The following LMO7 variants were observed in gnomAD, a reference collection of about 807,000 sequenced individuals.
LMO7 encodes LIM domain only protein 7.
A neutral mutation model predicts 206.5 loss-of-function variants in LMO7; 120 were observed. The ratio of observed to expected loss-of-function variants is 0.58; its 90% CI spans 0.50 to 0.68. The LOEUF is 0.68. Ranked by LOEUF, LMO7 falls within the 30% of genes least tolerant of loss-of-function variation. The pLI is 0.00. For missense variants in LMO7, 1,959 were observed against 1,957.9 expected, an observed-to-expected ratio of 1.00 and a Z score of -0.01; for synonymous variants, 706 against 681.5, an observed-to-expected ratio of 1.04 and a Z score of -0.56.
At position 75,856,803 on chromosome 13, in the gene LMO7, G is replaced by A. The variant is rs112201849; in HGVS notation, c.4873+195G>A. 1,213 of 499,894 alleles carry A rather than the reference G, an allele frequency of 2.4e-3. 13 individuals carry two copies. Among genetic ancestry groups the A allele is most frequent in the African/African-American group, 0.021 (1,088 of 51,494 alleles). The allele number at this position is 499,894 out of a possible 1,614,324, so 31.0% of individuals were successfully genotyped here. A position where few individuals can be genotyped will look rare whatever the true frequency, so the allele number is the denominator to read the frequency against. ...ACTGCTCAGGGTTCCAGCTACACAG[G>A]AGTGGGTTGTGGGGCCAAGGAATGG... On this transcript the variant is annotated intron_variant, in intron 30 of 30. Coordinates refer to ENST00000377534, the MANE Select transcript of LMO7 (RefSeq NM_001306080.2).
At chr13:75,663,924 AATCAC>A (rs1402184001) in intron 1 of LMO7, among the ~76,000 whole-genome samples, 2 of 152,110 alleles carry the variant, frequency 1.3e-5, no homozygotes, top group Non-Finnish European at 2.9e-5. Flanking sequence ...AATGTGTAAT[AATCAC>A]ATCAGGGTAA....
At position 75,841,742 on chromosome 13, in the gene LMO7, C is replaced by T. The variant is rs1410180470; in HGVS notation, c.3790C>T (p.Arg1264Ter). Residue 1264 changes from arginine (R) to a stop codon, truncating the protein, a stop_gained, in exon 24 of 31, where the codon CGA becomes TGA. Coordinates refer to ENST00000377534, the MANE Select transcript of LMO7 (RefSeq NM_001306080.2). LOFTEE classifies it high-confidence loss of function. ...GSKSSDREGT[R>*]AGEEERRQPQ... ...CAAGTCTTCAGACAGAGAAGGAACC[C>T]GAGCAGGAGAAGAGGAGAGGAGACA... The T allele has an allele frequency of 1.9e-6, 3 of 1,613,886 alleles. No homozygotes were observed. Among genetic ancestry groups the T allele is most frequent in the African/African-American group, 1.3e-5 (1 of 74,944 alleles).
chr13:75,801,962 C>G (rs2054799859), intron 7 of LMO7, among the ~76,000 whole-genome samples: 1 of 44,932 alleles, frequency 2.2e-5, no homozygotes, highest in Non-Finnish European at 4.6e-5. Flanking sequence ...TCTCTCTCCT[C>G]TCTCTCTCTT....
At chr13:75,799,301 G>A (rs1393653806) in intron 6 of LMO7, among the ~76,000 whole-genome samples, 2 of 152,172 alleles carry the variant, frequency 1.3e-5, no homozygotes, top group African/African-American at 4.8e-5. Flanking sequence ...ATAATTAAAA[G>A]TTGAAAGAAG....
At chr13:75,813,492 C>T (rs1346337647) in intron 11 of LMO7, among the ~76,000 whole-genome samples, 1 of 152,140 alleles carries the variant, frequency 6.6e-6, no homozygotes, top group Admixed American at 6.5e-5. Flanking sequence ...GGCCTGCAGC[C>T]CTCCCTTCCT....
At chr13:75,759,350 A>G (rs1403202970) in intron 3 of LMO7, among the ~76,000 whole-genome samples, 4 of 152,156 alleles carry the variant, frequency 2.6e-5, no homozygotes, top group African/African-American at 9.7e-5. Flanking sequence ...TGCTTCTCAG[A>G]GGGCCAATTT....
At chr13:75,626,295 G>A (rs897518976) in intron 2 of LMO7, among the ~76,000 whole-genome samples, 3 of 151,920 alleles carry the variant, frequency 2.0e-5, no homozygotes, top group Non-Finnish European at 2.9e-5. Context: ...CATGGCTGGG[G>A]AGGTCTCAGA....
upstream of LMO7, among the ~76,000 whole-genome samples, chr13:75,633,485 G>C (rs1450825458): frequency 6.6e-6 from 1 of 152,212 alleles, no homozygotes; most frequent in Non-Finnish European, 1.5e-5. Flanking sequence ...TTCCAATCTA[G>C]CTTTTAGAGC....
intron 1 of LMO7, among the ~76,000 whole-genome samples, chr13:75,647,066 G>GGT (rs10617403): frequency 1.5e-3 from 223 of 151,010 alleles, no homozygotes; most frequent in Middle Eastern, 0.01. Context: ...TATATACATA[G>GGT]GTGTGTGTGT....
chr13:75,665,289 T>C (rs1318854977), intron 1 of LMO7, among the ~76,000 whole-genome samples: 2 of 152,130 alleles, frequency 1.3e-5, no homozygotes, highest in African/African-American at 4.8e-5. Flanking sequence ...GCTCTAATAG[T>C]TTATGCTTTC....
intron 3 of LMO7, among the ~76,000 whole-genome samples, chr13:75,732,639 T>A (rs1290065043): frequency 1.3e-5 from 2 of 152,258 alleles, no homozygotes; most frequent in Non-Finnish European, 2.9e-5. Flanking sequence ...AAAGTCATTC[T>A]CTGTCCAGCT....
At chr13:75,843,541 TC>T (rs2059721078) in intron 25 of LMO7, among the ~76,000 whole-genome samples, 1 of 152,172 alleles carries the variant, frequency 6.6e-6, no homozygotes, top group Admixed American at 6.5e-5. Context: ...TTCACATTAC[TC>T]CCCAAAGGGT....
intron 15 of LMO7, 120 bp downstream of exon 15, chr13:75,823,993 A>G: frequency 2.6e-6 from 2 of 772,046 alleles, no homozygotes; most frequent in Non-Finnish European, 4.2e-6. Context: ...GTGCAAAATG[A>G]TATTCTGGTT....
intron 3 of LMO7, among the ~76,000 whole-genome samples, chr13:75,734,899 A>G (rs1264355249): frequency 1.3e-5 from 2 of 152,112 alleles, no homozygotes; most frequent in African/African-American, 4.8e-5. Flanking sequence ...GGAGATGACG[A>G]CCATCCTGGC....
intron 1 of LMO7, among the ~76,000 whole-genome samples, chr13:75,700,912 A>C (rs1419763401): frequency 1.3e-5 from 2 of 152,256 alleles, no homozygotes; most frequent in African/African-American, 4.8e-5. Flanking sequence ...GGGTAACTGC[A>C]ACTACAGAAA....
At chr13:75,647,904 C>G (rs2037176895) in intron 1 of LMO7, among the ~76,000 whole-genome samples, 1 of 149,320 alleles carries the variant, frequency 6.7e-6, no homozygotes, top group Non-Finnish European at 1.5e-5. Context: ...GCTGAAGCTC[C>G]TGATCTGATT....
intron 3 of LMO7, chr13:75,760,485 C>T (rs1157251783): frequency 7.9e-6 from 10 of 1,265,494 alleles, no homozygotes; most frequent in Non-Finnish European, 9.9e-6. Context: ...GAATGTTCCT[C>T]CTCTTATTTC....
At chr13:75,824,912 T>A (rs891506944) in intron 15 of LMO7, among the ~76,000 whole-genome samples, 1 of 152,176 alleles carries the variant, frequency 6.6e-6, no homozygotes, top group African/African-American at 2.4e-5. Flanking sequence ...TTTATTATTA[T>A]TGAGTTTTTA....
At chr13:75,729,996 T>C (rs2044967364) in intron 3 of LMO7, among the ~76,000 whole-genome samples, 1 of 152,226 alleles carries the variant, frequency 6.6e-6, no homozygotes, top group East Asian at 1.9e-4. Flanking sequence ...TCATGGTGGA[T>C]AAGCTTTTTG....
Sources: gnomAD v4.1 joint callset for allele counts (sites outside exome capture counted in the v4.1 genomes callset) on GRCh38, gnomAD v4.1.1 for gene constraint, MANE v1.5 for transcripts, NCBI Gene and HGNC (gene_info 2026-07-23, HGNC 2026-07-21) for gene names.